SLC9C1: variants seen among roughly 807,000 people sequenced by gnomAD.
The protein encoded by SLC9C1 is solute carrier family 9 member C1.
In SLC9C1, 97 loss-of-function variants were observed where a neutral mutation model predicts 140.9. The observed-to-expected ratio is 0.69, with a 90% CI of 0.58 to 0.82. The LOEUF is 0.82. Among genes scored for constraint, SLC9C1 ranks in the 40% least tolerant of loss-of-function variants. The probability of loss-of-function intolerance (pLI) is 0.00; values close to 1 mark genes in which losing one functional copy is unlikely to be tolerated. For synonymous variants in SLC9C1, 440 were observed against 442.6 expected, an observed-to-expected ratio of 0.99 and a Z score of 0.07; for missense variants, 1,340 against 1,389.3, an observed-to-expected ratio of 0.96 and a Z score of 0.56.
intron 27 of SLC9C1, 124 bp from the exon 28 acceptor site, chr3:112,152,087 C>G: frequency 5.7e-6 from 4 of 706,794 alleles, no homozygotes; most frequent in Non-Finnish European, 4.3e-6. Context: ...AAATAAGACA[C>G]AGAGAAAAAG....
intron 25 of SLC9C1, among the ~76,000 whole-genome samples, chr3:112,167,949 A>G (rs2077170952): frequency 6.6e-6 from 1 of 152,182 alleles, no homozygotes; most frequent in African/African-American, 2.4e-5. Flanking sequence ...ACTTCCTCTC[A>G]TTAAGCATTA....
intron 20 of SLC9C1, among the ~76,000 whole-genome samples, chr3:112,191,641 T>C (rs1188410076): frequency 6.6e-6 from 1 of 152,138 alleles, no homozygotes. Flanking sequence ...ATCAGAAATA[T>C]TGGTCTATAA....
intron 28 of SLC9C1, among the ~76,000 whole-genome samples, chr3:112,146,946 C>T (rs1412525689): frequency 6.6e-6 from 1 of 152,122 alleles, no homozygotes; most frequent in Non-Finnish European, 1.5e-5. Flanking sequence ...TTTCATACAC[C>T]TAGAAGTATG....
chr3:112,269,466 T>C (rs1014505896), intron 7 of SLC9C1, among the ~76,000 whole-genome samples: 1 of 152,228 alleles, frequency 6.6e-6, no homozygotes, highest in African/African-American at 2.4e-5. Context: ...TGAACAATGT[T>C]TGAAATTTTA....
At chr3:112,175,403 G>A (rs2077318206) in intron 23 of SLC9C1, among the ~76,000 whole-genome samples, 1 of 152,128 alleles carries the variant, frequency 6.6e-6, no homozygotes, top group African/African-American at 2.4e-5. Flanking sequence ...CGGTCAGGAG[G>A]TCCCACCCAG....
intron 14 of SLC9C1, among the ~76,000 whole-genome samples, chr3:112,218,467 T>G (rs2078450451): frequency 6.6e-6 from 1 of 152,076 alleles, no homozygotes. Flanking sequence ...ACTACAGGGA[T>G]ACTAACGTAA....
chr3:112,164,053 T>C (rs2075388811), intron 26 of SLC9C1, among the ~76,000 whole-genome samples: 1 of 152,138 alleles, frequency 6.6e-6, no homozygotes, highest in Non-Finnish European at 1.5e-5. Flanking sequence ...TTTTGATCTT[T>C]GTTGGTTTAA....
chr3:112,287,410 G>A (rs1250580184), intron 1 of SLC9C1, among the ~76,000 whole-genome samples: 1 of 152,144 alleles, frequency 6.6e-6, no homozygotes, highest in Non-Finnish European at 1.5e-5. Context: ...TCTCATTTGG[G>A]ACACTGACAG....
At position 112,290,607 on chromosome 3, in the gene SLC9C1, GTTAATTTTCTGCCT is replaced by G. The variant is rs148647445; in HGVS notation, c.-88+3472_-88+3485del. Among the ~76,000 whole-genome samples, 878 of 152,200 alleles carry G rather than the reference GTTAATTTTCTGCCT, an allele frequency of 5.8e-3. 15 individuals are homozygous for G. The highest frequency in any genetic ancestry group is 0.02 in the African/African-American group (832 of 41,538). On this transcript the variant is annotated intron_variant, in intron 1 of 28. Coordinates refer to ENST00000305815, the MANE Select transcript of SLC9C1 (RefSeq NM_183061.3). The stretch of plus-strand genomic sequence containing the variant: ...CTGAGTTTAGGTCCTGAATATGTTT[GTTAATTTTCTGCCT>G]TGATGATCTGTCTAAAACTGTCAGT...
chr3:112,145,378 T>C (rs1229488067), intron 28 of SLC9C1, among the ~76,000 whole-genome samples: 2 of 152,200 alleles, frequency 1.3e-5, no homozygotes. Flanking sequence ...GTTGAGGATT[T>C]TCACATCTAT....
chr3:112,169,307 G>T lies in SLC9C1; in HGVS notation c.2941C>A (p.His981Asn), dbSNP rs1476877570. Reference sequence around the variant, plus strand: ...CATTGCTCAAAAGCATCATACAAGTGAGTTTTGGGAATAAAACATGTCTGG... The same window carrying T: ...CATTGCTCAAAAGCATCATACAAGTTAGTTTTGGGAATAAAACATGTCTGG... ...VVETCFIPKT[H>N]LYDAFEQCSP... Residue 981 changes from histidine to asparagine, a missense_variant, in exon 24 of 29, where the codon CAC becomes AAC. His to Asn is a moderately conservative substitution (Grantham distance 68). Transcript: ENST00000305815. 6.2e-7 allele frequency: 1 copy of T among 1,609,822 alleles called. No individual in the cohort carries two copies. Among genetic ancestry groups the T allele is most frequent in the Admixed American group, 1.7e-5 (1 of 59,004 alleles).
At chr3:112,197,109 C>A (rs1171860055) in intron 20 of SLC9C1, among the ~76,000 whole-genome samples, 2 of 152,078 alleles carry the variant, frequency 1.3e-5, no homozygotes, top group Non-Finnish European at 2.9e-5. Context: ...AAGCTTAAGG[C>A]ATTGTCAGGG....
chr3:112,249,440 C>T (rs768759645), intron 10 of SLC9C1, among the ~76,000 whole-genome samples: 8 of 151,856 alleles, frequency 5.3e-5, no homozygotes, highest in Non-Finnish European at 1.2e-4. Flanking sequence ...GCTAGCTCTG[C>T]CAGGTTTTGC....
intron 20 of SLC9C1, among the ~76,000 whole-genome samples, chr3:112,194,278 T>G (rs1444045735): frequency 1.3e-5 from 2 of 152,160 alleles, no homozygotes; most frequent in Non-Finnish European, 2.9e-5. Context: ...ATCTTTTCCC[T>G]GAAATGGGAA....
chr3:112,277,156 T>C (rs532300887), intron 5 of SLC9C1, among the ~76,000 whole-genome samples: 1 of 152,276 alleles, frequency 6.6e-6, no homozygotes, highest in South Asian at 2.1e-4. Flanking sequence ...CTGGGCTAAA[T>C]TGAGTTGGTA....
At chr3:112,271,738 A>G (rs13096794) in intron 6 of SLC9C1, among the ~76,000 whole-genome samples, 44,925 of 151,902 alleles carry the variant, frequency 0.3, 7,200 homozygotes, top group East Asian at 0.42. Context: ...AATGTAATAC[A>G]CACAGGAAAT....
At chr3:112,218,146 T>C (rs1268774580) in intron 14 of SLC9C1, among the ~76,000 whole-genome samples, 3 of 150,126 alleles carry the variant, frequency 2.0e-5, no homozygotes, top group African/African-American at 7.3e-5. Context: ...GTAGCACTTG[T>C]CCCAAGTTTT....
rs1457645490 is a variant in SLC9C1 at position 112,182,157 on chromosome 3, G to GT, written c.2624dup (p.Asn875LysfsTer18). The GT allele has an allele frequency of 6.4e-7, 1 of 1,573,308 alleles. No homozygotes were observed. The highest frequency in any genetic ancestry group is 1.8e-5 in the Admixed American group (1 of 55,358). On this transcript the variant is annotated frameshift_variant, in exon 21 of 29. Transcript: ENST00000305815. LOFTEE classifies it high-confidence loss of function. Reference sequence around the variant, plus strand: ...CCTGAATGAAGTTTATATAATCTTTGTTTTTATCTAGCCACGGAATATGAT... The same window carrying GT: ...CCTGAATGAAGTTTATATAATCTTTGTTTTTTATCTAGCCACGGAATATGAT...
In SLC9C1 at chr3:112,286,648, G is replaced by C. The variant is rs1326374089; in HGVS notation, c.88+56C>G. 1.1e-5 allele frequency: 15 copies of C among 1,411,712 alleles called. No individual in the cohort carries two copies. The East Asian group carries it at 1.2e-4, about 11-fold the overall frequency. The allele number at this position is 1,411,712 out of a possible 1,614,324, so 87.4% of individuals were successfully genotyped here. Reference sequence around the variant, plus strand: ...CTACTTTCCTTAATTCTATATGGTAGCATTTATAAGATGTACCGGAAGAAT... The same window carrying C: ...CTACTTTCCTTAATTCTATATGGTACCATTTATAAGATGTACCGGAAGAAT... On this transcript the variant is annotated intron_variant, in intron 2 of 28. Transcript: ENST00000305815.
Sources: gnomAD v4.1 joint callset for allele counts (sites outside exome capture counted in the v4.1 genomes callset) on GRCh38, gnomAD v4.1.1 for gene constraint, MANE v1.5 for transcripts, NCBI Gene and HGNC (gene_info 2026-07-23, HGNC 2026-07-21) for gene names.